CDK8: variants seen among roughly 807,000 people sequenced by gnomAD.
CDK8 encodes the protein cyclin dependent kinase 8.
CDK8 carries 29 observed loss-of-function variants against 71.5 expected under a neutral mutation model. The ratio of observed to expected loss-of-function variants is 0.41; its 90% CI spans 0.30 to 0.55. The LOEUF (loss-of-function observed/expected upper bound fraction) is 0.55, where lower values mean the gene tolerates loss of function less well. Ranked by LOEUF, CDK8 falls within the 20% of genes least tolerant of loss-of-function variation. The pLI is 0.37. For missense variants in CDK8, 288 were observed against 572.6 expected (o/e 0.50, Z 5.07); for synonymous variants, 161 against 192.1 (o/e 0.84, Z 1.34).
intron 4 of CDK8, among the ~76,000 whole-genome samples, chr13:26,372,820 T>C (rs755668570): frequency 6.6e-6 from 1 of 152,182 alleles, no homozygotes; most frequent in Non-Finnish European, 1.5e-5. Flanking sequence ...AACATTCATG[T>C]TGCTGTTGTC....
intron 1 of CDK8, among the ~76,000 whole-genome samples, chr13:26,279,987 G>T (rs928975959): frequency 6.6e-6 from 1 of 152,096 alleles, no homozygotes; most frequent in African/African-American, 2.4e-5. Context: ...GTGTGTGTGT[G>T]TATGTGTGTG....
At chr13:26,386,777 A>G (rs1875498402) in intron 6 of CDK8, among the ~76,000 whole-genome samples, 1 of 152,138 alleles carries the variant, frequency 6.6e-6, no homozygotes, top group Admixed American at 6.5e-5. Context: ...ACACCCCTCC[A>G]TTGCCTTCTA....
At chr13:26,315,677 G>A (rs1874478218) in intron 1 of CDK8, among the ~76,000 whole-genome samples, 1 of 152,086 alleles carries the variant, frequency 6.6e-6, no homozygotes, top group Non-Finnish European at 1.5e-5. Context: ...CTGACTGCCT[G>A]GGTTTGAAGT....
chr13:26,324,094 G>A (rs1292653458), intron 1 of CDK8, among the ~76,000 whole-genome samples: 1 of 152,102 alleles, frequency 6.6e-6, no homozygotes, highest in Non-Finnish European at 1.5e-5. Flanking sequence ...AGTGTTTAAA[G>A]GATCCTAGAA....
chr13:26,298,080 C>T (rs1390746092), intron 1 of CDK8, among the ~76,000 whole-genome samples: 4 of 152,082 alleles, frequency 2.6e-5, no homozygotes, highest in Non-Finnish European at 4.4e-5. Flanking sequence ...TCTAATACTT[C>T]CCCGAAGCCC....
intron 4 of CDK8, among the ~76,000 whole-genome samples, chr13:26,379,089 T>C (rs1329698657): frequency 6.6e-6 from 1 of 152,218 alleles, no homozygotes; most frequent in East Asian, 1.9e-4. Context: ...GTTTGATTTG[T>C]CTACTAAATC....
At chr13:26,403,826 A>G in intron 12 of CDK8, 130 bp from the exon 13 acceptor site, 1 of 1,111,208 alleles carries the variant, frequency 9.0e-7, no homozygotes, top group Non-Finnish European at 1.3e-6. Flanking sequence ...CTTTAATTAT[A>G]AAGTTAGTAC....
At chr13:26,287,477 C>T (rs1873075946) in intron 1 of CDK8, among the ~76,000 whole-genome samples, 2 of 152,130 alleles carry the variant, frequency 1.3e-5, no homozygotes, top group Non-Finnish European at 2.9e-5. Flanking sequence ...GAATGGAAAA[C>T]CAAACATCAT....
intron 1 of CDK8, among the ~76,000 whole-genome samples, chr13:26,329,219 C>CA (rs1875173224): frequency 1.3e-5 from 2 of 151,988 alleles, no homozygotes; most frequent in South Asian, 4.1e-4. Context: ...TCTCTTTTAC[C>CA]AAAACACTGC....
At chr13:26,291,468 C>T (rs926491889) in intron 1 of CDK8, among the ~76,000 whole-genome samples, 1 of 152,060 alleles carries the variant, frequency 6.6e-6, no homozygotes, top group Admixed American at 6.6e-5. Context: ...TGAATAGGAA[C>T]AATAAAATGC....
intron 1 of CDK8, among the ~76,000 whole-genome samples, chr13:26,334,934 A>G (rs1479244296): frequency 6.6e-6 from 1 of 152,040 alleles, no homozygotes; most frequent in African/African-American, 2.4e-5. Context: ...TCGTTCCTTT[A>G]TCTGTCCTTT....
Position 26,293,917 on chromosome 13 carries a change from C to G in CDK8, c.128+39148C>G, listed in dbSNP as rs115138786. Among the ~76,000 whole-genome samples, 1,020 of 152,078 alleles carry G rather than the reference C, an allele frequency of 6.7e-3. 16 individuals carry two copies. Among genetic ancestry groups the G allele is most frequent in the African/African-American group, 0.023 (937 of 41,488 alleles). ...TTGGTATACTTTTGCAAACCTCTCC[C>G]CAATCACTCCCCTCCTCCTCCAGCC... On this transcript the variant is annotated intron_variant, in intron 1 of 12. Transcript: ENST00000381527.
intron 4 of CDK8, among the ~76,000 whole-genome samples, chr13:26,374,985 A>C (rs1262344276): frequency 2.6e-5 from 4 of 152,178 alleles, no homozygotes; most frequent in African/African-American, 9.6e-5. Context: ...ACCTAGGAAC[A>C]ACCTTAATGT....
intron 4 of CDK8, among the ~76,000 whole-genome samples, chr13:26,381,449 TGC>T (rs1371985526): frequency 2.6e-5 from 4 of 152,162 alleles, no homozygotes; most frequent in African/African-American, 9.6e-5. Context: ...TGGTTAGAAG[TGC>T]GTGTGTGTGT....
chr13:26,319,602 G>A (rs532767754), intron 1 of CDK8, among the ~76,000 whole-genome samples: 1 of 151,778 alleles, frequency 6.6e-6, no homozygotes, highest in East Asian at 1.9e-4. Flanking sequence ...TTCATGAATT[G>A]GAAGATTTAA....
intron 4 of CDK8, among the ~76,000 whole-genome samples, chr13:26,356,393 T>A (rs1161926095): frequency 6.6e-6 from 1 of 152,202 alleles, no homozygotes; most frequent in East Asian, 1.9e-4. Flanking sequence ...CTTCTTTGAT[T>A]TCCATATTTG....
In CDK8 at chr13:26,396,173, T is replaced by C. The variant is rs552873481; in HGVS notation, c.791-112T>C. ...GAACATTTATTTGAAGACAGCTTTTTTGTGTGGAGGTTGAACGGATAGGAA... is the reference window on the plus strand; with the variant it reads ...GAACATTTATTTGAAGACAGCTTTTCTGTGTGGAGGTTGAACGGATAGGAA... On this transcript the variant is annotated intron_variant, in intron 7 of 12. Coordinates refer to ENST00000381527, the MANE Select transcript of CDK8 (RefSeq NM_001260.3). 160 of 417,342 alleles carry C rather than the reference T, an allele frequency of 3.8e-4. 1 individual carries two copies. The highest frequency in any genetic ancestry group is 3.0e-3 in the African/African-American group (148 of 48,922). The allele number at this position is 417,342 out of a possible 1,614,324, so 25.9% of individuals were successfully genotyped here. A position where few individuals can be genotyped will look rare whatever the true frequency, so the allele number is the denominator to read the frequency against.
chr13:26,275,988 G>A (rs1041571556), intron 1 of CDK8, among the ~76,000 whole-genome samples: 3 of 151,886 alleles, frequency 2.0e-5, no homozygotes, highest in Admixed American at 6.6e-5. Context: ...TCAGCCTCCC[G>A]AGTAGCTGGG....
At chr13:26,386,766 G>T (rs1290369744) in intron 6 of CDK8, among the ~76,000 whole-genome samples, 2 of 152,152 alleles carry the variant, frequency 1.3e-5, no homozygotes, top group African/African-American at 4.8e-5. Flanking sequence ...GAACTTGGAT[G>T]ACACCCCTCC....
Sources: allele counts gnomAD v4.1 joint callset (sites outside exome capture counted in the v4.1 genomes callset), GRCh38; gene constraint gnomAD v4.1.1; transcripts MANE v1.5; gene names NCBI Gene and HGNC (gene_info 2026-07-23, HGNC 2026-07-21).